ADAMTS7: variants seen among roughly 807,000 people sequenced by gnomAD.
ADAMTS7 encodes the protein ADAM metallopeptidase with thrombospondin type 1 motif 7, also known as A disintegrin and metalloproteinase with thrombospondin motifs 7.
Under a neutral mutation model 172.6 loss-of-function variants are expected in ADAMTS7, and 89 were observed. That is an observed-to-expected ratio of 0.52 (90% CI 0.43 to 0.61). ADAMTS7 has a LOEUF of 0.61. Ranked by LOEUF, ADAMTS7 falls within the 20% of genes least tolerant of loss-of-function variation. ADAMTS7 has a pLI of 0.00. For synonymous variants in ADAMTS7, 885 were observed against 978.4 expected, an observed-to-expected ratio of 0.90 and a Z score of 1.78; for missense variants, 1,973 against 2,355.6, an observed-to-expected ratio of 0.84 and a Z score of 3.36.
At chr15:78,800,807 T>C (rs1727371253) in intron 1 of ADAMTS7, among the ~76,000 whole-genome samples, 1 of 152,232 alleles carries the variant, frequency 6.6e-6, no homozygotes. Context: ...ACAGTCTCGC[T>C]CTGTCGCCCA....
chr15:78,764,613 G>A lies in ADAMTS7; in HGVS notation c.4361C>T (p.Pro1454Leu). 1 of 1,552,864 alleles carries A rather than the reference G, an allele frequency of 6.4e-7. No individual in the cohort carries two copies. Among genetic ancestry groups the A allele is most frequent in the East Asian group, 2.4e-5 (1 of 42,356 alleles). The change falls in exon 20 of 24, where the codon CCT (proline) becomes CTT (leucine). Residue 1454 changes from proline to leucine, a missense_variant. Physicochemically the swap from Pro to Leu is moderately conservative, Grantham distance 98. Transcript: ENST00000388820. The part of the protein sequence containing the change: ...EDCAPAGRPQ[P>L]ARRCHLRPCA... The stretch of plus-strand genomic sequence containing the variant: ...GGGCCGCAGGTGGCAGCGGCGGGCA[G>A]GCTGGGGCCGGCCAGCGGGGGCGCA...
At position 78,768,278 on chromosome 15, in the gene ADAMTS7, A is replaced by C; in HGVS notation, c.2519-19T>G. 6.2e-7 allele frequency: 1 copy of C among 1,610,110 alleles called. No individual in the cohort carries two copies. The highest frequency in any genetic ancestry group is 2.2e-5 in the East Asian group (1 of 44,864). On this transcript the variant is annotated intron_variant, in intron 16 of 23. Coordinates refer to ENST00000388820, the MANE Select transcript of ADAMTS7 (RefSeq NM_014272.5). ...TGCACACCTAGGGGCCACGGGGCTC[A>C]GCCTGGGACTGGCACCCAGGTGCCC... is the stretch of plus-strand genomic sequence containing the variant.
chr15:78,779,022 T>C (rs558179546), intron 8 of ADAMTS7, among the ~76,000 whole-genome samples: 2 of 152,136 alleles, frequency 1.3e-5, no homozygotes, highest in African/African-American at 2.4e-5. Flanking sequence ...AGCTTGGAGA[T>C]CCAGAGTGGA....
rs2055047821 is a variant in ADAMTS7 at position 78,761,781 on chromosome 15, A to C, written c.4903+622T>G. On this transcript the variant is annotated intron_variant, in intron 23 of 23. Transcript: ENST00000388820. ...GTGTGCGCGCACGCACACATGCTGG[A>C]GGCGGCGGCAGGGGTGTCCAGAACC... 5 of 927,506 alleles carry C rather than the reference A, an allele frequency of 5.4e-6. No individual in the cohort carries two copies. In the South Asian group the frequency reaches 2.0e-4, roughly 37 times the overall value. 57.5% of individuals were successfully genotyped at this position (927,506 alleles called of 1,614,324 possible). A position where few individuals can be genotyped will look rare whatever the true frequency, so the allele number is the denominator to read the frequency against.
intron 8 of ADAMTS7, among the ~76,000 whole-genome samples, chr15:78,778,406 T>C (rs186911170): frequency 1.3e-5 from 2 of 152,326 alleles, no homozygotes; most frequent in Non-Finnish European, 2.9e-5. Flanking sequence ...AGGCATGCTA[T>C]TGCTTCTGGG....
intron 8 of ADAMTS7, among the ~76,000 whole-genome samples, chr15:78,782,256 C>A (rs1324007929): frequency 6.6e-6 from 1 of 152,086 alleles, no homozygotes; most frequent in South Asian, 2.1e-4. Context: ...GTCTCGAACT[C>A]CTGACCTCAA....
At chr15:78,806,148 A>C (rs1254910731) in intron 1 of ADAMTS7, among the ~76,000 whole-genome samples, 11 of 148,350 alleles carry the variant, frequency 7.4e-5, no homozygotes, top group East Asian at 2.0e-4. Context: ...AAAAAAAAAA[A>C]AAAAAAACAG....
chr15:78,806,119 CACACACACAAAAAAAAA>C (rs2055788184), intron 1 of ADAMTS7, among the ~76,000 whole-genome samples: 2 of 17,828 alleles, frequency 1.1e-4, no homozygotes, highest in Non-Finnish European at 2.7e-4. Flanking sequence ...CACACACACA[CACACACACAAAAAAAAA>C]AAAAAAAAAA....
chr15:78,764,098 C>T lies in ADAMTS7; in HGVS notation c.4421G>A (p.Cys1474Tyr). ...ATWHSGNWSK[C>Y]SRSCGGGSSV... ...GGAACCTCCGCCGCAGCTGCGGGAG[C>T]ACTGGGGACCGAGAGACGTGTATGG... The change falls in exon 21 of 24, where the codon TGC becomes TAC. Residue 1474 changes from cysteine (C) to tyrosine (Y), a missense_variant and splice_region_variant. By Grantham distance (194) the Cys-to-Tyr change is radical. Transcript: ENST00000388820. 2 of 1,524,868 alleles carry T rather than the reference C, an allele frequency of 1.3e-6. No individual in the cohort carries two copies. The highest frequency in any genetic ancestry group is 1.8e-6 in the Non-Finnish European group (2 of 1,132,348). The allele number at this position is 1,524,868 out of a possible 1,614,324, so 94.5% of individuals were successfully genotyped here.
chr15:78,779,505 T>A (rs1454029931), intron 8 of ADAMTS7, among the ~76,000 whole-genome samples: 1 of 152,226 alleles, frequency 6.6e-6, no homozygotes, highest in Non-Finnish European at 1.5e-5. Flanking sequence ...TGGCCTCAAA[T>A]ACTTCACCCC....
chr15:78,800,227 CCTCGAG>C lies in ADAMTS7; in HGVS notation c.415_420del (p.Leu139_Glu140del). The stretch of plus-strand genomic sequence containing the variant: ...CAGGCGCTGATGGCCGCCAGGCCAC[CCTCGAG>C]CTCAGGGTCCTGCACCTCGCCAAGC... On this transcript the variant is annotated inframe_deletion, in exon 2 of 24. Transcript: ENST00000388820. 1 of 1,594,932 alleles carries C rather than the reference CCTCGAG, an allele frequency of 6.3e-7. No individual in the cohort carries two copies. The highest frequency in any genetic ancestry group is 8.5e-7 in the Non-Finnish European group (1 of 1,178,794).
rs902390203 is a variant in ADAMTS7 at position 78,761,768 on chromosome 15, G to A, written c.4903+635C>T. The A allele has an allele frequency of 6.1e-4, 497 of 816,466 alleles. 9 individuals are homozygous for A. Among genetic ancestry groups the A allele is most frequent in the African/African-American group, 2.1e-3 (111 of 53,880 alleles). 50.6% of individuals were successfully genotyped at this position (816,466 alleles called of 1,614,324 possible). A position where few individuals can be genotyped will look rare whatever the true frequency, so the allele number is the denominator to read the frequency against. ...GGCGTGTGTGTGTGTGTGCGCGCACGCACACATGCTGGAGGCGGCGGCAGG... is the reference window on the plus strand; with the variant it reads ...GGCGTGTGTGTGTGTGTGCGCGCACACACACATGCTGGAGGCGGCGGCAGG... On this transcript the variant is annotated intron_variant, in intron 23 of 23. Coordinates refer to ENST00000388820, the MANE Select transcript of ADAMTS7 (RefSeq NM_014272.5).
intron 8 of ADAMTS7, among the ~76,000 whole-genome samples, chr15:78,779,472 C>T (rs2055399770): frequency 6.6e-6 from 1 of 152,174 alleles, no homozygotes; most frequent in Non-Finnish European, 1.5e-5. Flanking sequence ...CAGTGCAGGG[C>T]TCCTCCCATT....
intron 16 of ADAMTS7, among the ~76,000 whole-genome samples, chr15:78,769,495 C>T (rs1215122391): frequency 2.0e-5 from 3 of 152,180 alleles, no homozygotes; most frequent in Non-Finnish European, 1.5e-5. Flanking sequence ...AGTACTGGCT[C>T]GGGAGAAAAA....
intron 1 of ADAMTS7, among the ~76,000 whole-genome samples, chr15:78,807,826 C>CAAACA (rs368146047): frequency 7.3e-5 from 11 of 151,722 alleles, no homozygotes; most frequent in South Asian, 2.1e-4. Flanking sequence ...GGCTTAAAAA[C>CAAACA]AAACAAAACA....
At position 78,772,970 on chromosome 15, in the gene ADAMTS7, C is replaced by T; in HGVS notation, c.2131+113G>A. 5 of 1,370,770 alleles carry T rather than the reference C, an allele frequency of 3.6e-6. No individual in the cohort carries two copies. In the South Asian group the frequency reaches 6.6e-5, roughly 18 times the overall value. 84.9% of individuals were successfully genotyped at this position (1,370,770 alleles called of 1,614,324 possible). On this transcript the variant is annotated intron_variant, in intron 14 of 23. Transcript: ENST00000388820. ...ACCCCAGCAAGGCTTCCCTGCTTAGCCATCTCCAGGCTGGGTGGGGGCCAC... is the reference window on the plus strand; with the variant it reads ...ACCCCAGCAAGGCTTCCCTGCTTAGTCATCTCCAGGCTGGGTGGGGGCCAC...
Position 78,811,148 on chromosome 15 carries a change from C to A in ADAMTS7, c.73G>T (p.Ala25Ser), listed in dbSNP as rs2055860907. ...GGTGCGGGTCCGGGGGCGCCGGGAG[C>A]CAGAGCGCAGAGGAGCAGGAGGAGG... is the stretch of plus-strand genomic sequence containing the variant. ...RPLLLLLCALAPGAPGPAPGR... is the reference protein window; with the variant it reads ...RPLLLLLCALSPGAPGPAPGR... The change falls in exon 1 of 24, where the codon GCT becomes TCT. Residue 25 changes from alanine to serine, a missense_variant. Around this residue, in one of 8 missense-constraint regions of ADAMTS7, gnomAD observed 306 missense variants for 288.0 expected, o/e 1.06. Transcript: ENST00000388820. The A allele has an allele frequency of 4.1e-6, 5 of 1,230,132 alleles. No homozygotes were observed. The South Asian group carries it at 2.1e-4, about 51-fold the overall frequency. The allele number at this position is 1,230,132 out of a possible 1,614,324, so 76.2% of individuals were successfully genotyped here. A position where few individuals can be genotyped will look rare whatever the true frequency, so the allele number is the denominator to read the frequency against.
intron 22 of ADAMTS7, among the ~76,000 whole-genome samples, chr15:78,762,792 C>A (rs1439767231): frequency 1.3e-5 from 2 of 152,230 alleles, no homozygotes; most frequent in Admixed American, 6.5e-5. Flanking sequence ...AGGGAAGGGG[C>A]GTGAGAACCG....
chr15:78,767,267 G>A (rs1402260500), intron 18 of ADAMTS7, 112 bp downstream of exon 18: 5 of 1,372,936 alleles, frequency 3.6e-6, no homozygotes, highest in Non-Finnish European at 5.0e-6. Flanking sequence ...CTGGACCCTG[G>A]AATGCCCAGG....
Sources: allele counts gnomAD v4.1 joint callset (sites outside exome capture counted in the v4.1 genomes callset), GRCh38; gene constraint gnomAD v4.1.1; regional missense constraint gnomAD v4.1.1; transcripts MANE v1.5; gene names NCBI Gene and HGNC (gene_info 2026-07-23, HGNC 2026-07-21).